Variants in TFAP4 observed in about 807,000 individuals in gnomAD.
TFAP4 encodes the protein activating enhancer-binding protein 4.
Under a neutral mutation model 40.4 loss-of-function variants are expected in TFAP4, and 7 were observed. The observed-to-expected ratio is 0.17, with a 90% CI of 0.10 to 0.33. The LOEUF (loss-of-function observed/expected upper bound fraction) is 0.33. TFAP4 is among the 10% of genes least tolerant of loss of function. The probability of loss-of-function intolerance (pLI) is 1.00; values close to 1 mark genes in which losing one functional copy is unlikely to be tolerated. For missense variants in TFAP4, 374 were observed against 451.1 expected (o/e 0.83, Z 1.55); for synonymous variants, 218 against 181.4 (o/e 1.20, Z -1.62).
In TFAP4 at chr16:4,272,823, A is replaced by C; in HGVS notation, c.-77T>G. On this transcript the variant is annotated 5_prime_UTR_variant, in exon 1 of 7. Coordinates refer to ENST00000204517, the MANE Select transcript of TFAP4 (RefSeq NM_003223.3). ...AATGCAAGATGGAAATCCGAATCAA[A>C]GGGCAGCGCCGGACGGAGGTGCAGA... 1 of 1,223,510 alleles carries C rather than the reference A, an allele frequency of 8.2e-7. No homozygotes were observed. Among genetic ancestry groups the C allele is most frequent in the Non-Finnish European group, 1.1e-6 (1 of 911,252 alleles). The allele number at this position is 1,223,510 out of a possible 1,614,324, so 75.8% of individuals were successfully genotyped here.
At chr16:4,261,641 T>C in intron 4 of TFAP4, 138 bp downstream of exon 4, 1 of 1,000,300 alleles carries the variant, frequency 1.0e-6, no homozygotes, top group South Asian at 1.8e-5. Flanking sequence ...TCTGGCTTGC[T>C]CCCCACTCCT....
At chr16:4,259,179 G>T (rs2052924367) in intron 6 of TFAP4, among the ~76,000 whole-genome samples, 1 of 151,962 alleles carries the variant, frequency 6.6e-6, no homozygotes, top group South Asian at 2.1e-4. Context: ...TGTCACCCAG[G>T]CTGGAGTTCA....
rs182661357 is a variant in TFAP4, at chr16:4,261,776, C to A, written c.525+3G>T. On this transcript the variant is annotated splice_donor_region_variant and intron_variant, in intron 4 of 6. Transcript: ENST00000204517. ...CCGTGCCCAGCAGAGGGCGCTGCCT[C>A]ACCTGCTCCTCCAGCATCATGCGCA... 1 of 1,601,810 alleles carries A rather than the reference C, an allele frequency of 6.2e-7. No individual in the cohort carries two copies. The highest frequency in any genetic ancestry group is 2.2e-5 in the East Asian group (1 of 44,810).
At position 4,260,905 on chromosome 16, in the gene TFAP4, G is replaced by A. The variant is rs144250856; in HGVS notation, c.526-310C>T. 4.4e-3 allele frequency among the ~76,000 whole-genome samples: 674 copies of A among 152,338 alleles called. 12 individuals are homozygous for A. Among genetic ancestry groups the A allele is most frequent in the African/African-American group, 0.016 (648 of 41,586 alleles). ...CACTTCCATGGAGATGCCGTGGGGC[G>A]TCCCTTGAAAAACCCCTCCTGATGC... is the stretch of plus-strand genomic sequence containing the variant. On this transcript the variant is annotated intron_variant, in intron 4 of 6. Transcript: ENST00000204517.
rs2052950592 is a variant in TFAP4, at chr16:4,261,761, C to A, written c.525+18G>T. The A allele has an allele frequency of 1.3e-6, 2 of 1,588,076 alleles. No individual in the cohort carries two copies. Among genetic ancestry groups the A allele is most frequent in the African/African-American group, 1.3e-5 (1 of 74,454 alleles). On this transcript the variant is annotated intron_variant, in intron 4 of 6. Coordinates refer to ENST00000204517, the MANE Select transcript of TFAP4 (RefSeq NM_003223.3). Reference sequence around the variant, plus strand: ...CCTCTGCACCGCGCGCCGTGCCCAGCAGAGGGCGCTGCCTCACCTGCTCCT... The same window carrying A: ...CCTCTGCACCGCGCGCCGTGCCCAGAAGAGGGCGCTGCCTCACCTGCTCCT...
rs777081003 is a variant in TFAP4 at position 4,261,788 on chromosome 16, C to G, written c.516G>C (p.Leu172=). The change falls in exon 4 of 7, where the codon CTG becomes CTC. Residue 172 remains leucine (L), a synonymous_variant. Coordinates refer to ENST00000204517, the MANE Select transcript of TFAP4 (RefSeq NM_003223.3). Reference sequence around the variant, plus strand: ...GAGGGCGCTGCCTCACCTGCTCCTCCAGCATCATGCGCACCGAGCGCTCCT... The same window carrying G: ...GAGGGCGCTGCCTCACCTGCTCCTCGAGCATCATGCGCACCGAGCGCTCCT... ...LDKERSVRMM[L]EEQVRSLEAH... is the part of the protein sequence containing the mutation. The G allele has an allele frequency of 2.5e-6, 4 of 1,606,680 alleles. No homozygotes were observed. The highest frequency in any genetic ancestry group is 3.4e-6 in the Non-Finnish European group (4 of 1,177,004).
At chr16:4,268,167 T>A (rs2053012597) in intron 1 of TFAP4, 1 of 152,288 alleles carries the variant, frequency 6.6e-6, no homozygotes, top group South Asian at 2.1e-4. Flanking sequence ...CGGTGGCTCA[T>A]GCCTGTAATC....
At chr16:4,269,667 G>C (rs988718550) in intron 1 of TFAP4, among the ~76,000 whole-genome samples, 1 of 151,180 alleles carries the variant, frequency 6.6e-6, no homozygotes, top group South Asian at 2.1e-4. Flanking sequence ...AAAATTAGCC[G>C]GCCATGGTGG....
chr16:4,261,703 G>A, intron 4 of TFAP4, 76 bp downstream of exon 4: 6 of 1,441,904 alleles, frequency 4.2e-6, no homozygotes, highest in Non-Finnish European at 9.1e-7. Flanking sequence ...ACCGAGGGCC[G>A]CAGAGCAAGA....
At chr16:4,263,924 C>A (rs1189875564) in intron 1 of TFAP4, 1 of 152,742 alleles carries the variant, frequency 6.5e-6, no homozygotes, top group African/African-American at 2.4e-5. Flanking sequence ...GGCATGTCCC[C>A]CTCCCTGGAC....
chr16:4,272,739 T>C lies in TFAP4; in HGVS notation c.8A>G (p.Tyr3Cys), dbSNP rs1208329487. The C allele has an allele frequency of 1.2e-6, 2 of 1,613,268 alleles. No homozygotes were observed. The highest frequency in any genetic ancestry group is 1.7e-6 in the Non-Finnish European group (2 of 1,179,494). ME[Y>C]FMVPTQKVPS... ...CACCTTCTGAGTGGGCACCATGAAA[T>C]ACTCCATAGCGATCGGCCCCCCTCC... Residue 3 changes from tyrosine (Y) to cysteine (C), a missense_variant, in exon 1 of 7, where the codon TAT (tyrosine) becomes TGT (cysteine). Physicochemically the swap from Tyr to Cys is radical, Grantham distance 194. Around this residue, in one of 6 missense-constraint regions of TFAP4, gnomAD observed 51 missense variants for 59.3 expected, o/e 0.86. Transcript: ENST00000204517.
intron 3 of TFAP4, 123 bp downstream of exon 3, chr16:4,262,201 G>T (rs2052955792): frequency 8.4e-7 from 1 of 1,185,642 alleles, no homozygotes; most frequent in Non-Finnish European, 1.2e-6. Context: ...AGGAAAAAAA[G>T]TGCCTGGAAG....
chr16:4,271,580 C>T (rs2141098492), intron 1 of TFAP4, among the ~76,000 whole-genome samples: 1 of 152,320 alleles, frequency 6.6e-6, no homozygotes, highest in East Asian at 1.9e-4. Flanking sequence ...AGTCCATCAC[C>T]CTTTGGGTTT....
intron 1 of TFAP4, among the ~76,000 whole-genome samples, chr16:4,267,447 C>T: frequency 6.6e-6 from 1 of 152,256 alleles, no homozygotes. Context: ...AAAATTTGGG[C>T]ACCAGCCTTG....
chr16:4,260,220 T>TGGGGGGG lies in TFAP4; in HGVS notation c.691_692insCCCCCCC (p.His231ProfsTer83). 1 of 169,366 alleles carries TGGGGGGG rather than the reference T, an allele frequency of 5.9e-6. No homozygotes were observed. Among genetic ancestry groups the TGGGGGGG allele is most frequent in the South Asian group, 5.2e-5 (1 of 19,378 alleles). The allele number at this position is 169,366 out of a possible 1,614,324, so 10.5% of individuals were successfully genotyped here. ...TGCTGGCACGATCACCGTGGGGTGG[T>TGGGGGGG]GGGTGGGGGCCGGAGGGGGCAGAAG... On this transcript the variant is annotated frameshift_variant, in exon 6 of 7. Transcript: ENST00000204517. LOFTEE classifies it high-confidence loss of function.
rs1221471589 is a variant in TFAP4 at position 4,261,932 on chromosome 16, G to A, written c.372C>T (p.Ser124=). ...TGTCCTCTGCCCGCCGTCGCTTGGG[G>A]GACGAGCCGCTCAGCTCCTGGGGAC... ...KRFIQELSGS[S]PKRRRAEDKD... Residue 124 remains serine, a synonymous_variant, in exon 4 of 7, where the codon TCC becomes TCT. Transcript: ENST00000204517. The A allele has an allele frequency of 6.8e-6, 11 of 1,609,308 alleles. No homozygotes were observed. Among genetic ancestry groups the A allele is most frequent in the Admixed American group, 6.7e-5 (4 of 59,272 alleles).
intron 1 of TFAP4, chr16:4,266,728 T>C (rs915753240): frequency 1.3e-5 from 2 of 152,206 alleles, no homozygotes; most frequent in Admixed American, 6.5e-5. Flanking sequence ...TTCTGATAGC[T>C]CTTTCTGGGG....
intron 4 of TFAP4, among the ~76,000 whole-genome samples, chr16:4,261,576 T>C (rs914421993): frequency 2.0e-5 from 3 of 151,980 alleles, no homozygotes; most frequent in Non-Finnish European, 2.9e-5. Flanking sequence ...TTGAGATCCT[T>C]TGGCTAATCT....
chr16:4,270,064 A>G (rs2053029268), intron 1 of TFAP4, among the ~76,000 whole-genome samples: 1 of 151,962 alleles, frequency 6.6e-6, no homozygotes, highest in Non-Finnish European at 1.5e-5. Flanking sequence ...ACATGCCTGT[A>G]ATCCCAGCTA....
Sources: allele counts gnomAD v4.1 joint callset (sites outside exome capture counted in the v4.1 genomes callset), GRCh38; gene constraint gnomAD v4.1.1; regional missense constraint gnomAD v4.1.1; transcripts MANE v1.5; gene names NCBI Gene and HGNC (gene_info 2026-07-23, HGNC 2026-07-21).